EDARADD: variants seen among roughly 807,000 people sequenced by gnomAD.
EDARADD encodes ectodysplasin-A receptor-associated adapter protein.
Under a neutral mutation model 25.6 loss-of-function variants are expected in EDARADD, and 20 were observed. The observed-to-expected ratio is 0.78, with a 90% CI of 0.55 to 1.14. The LOEUF (loss-of-function observed/expected upper bound fraction) is 1.14. Ranked by LOEUF, EDARADD falls within the 50% of genes most tolerant of loss-of-function variation. The pLI is 0.00. For missense variants in EDARADD, 225 were observed against 270.1 expected (o/e 0.83, Z 1.17); for synonymous variants, 86 against 94.4 (o/e 0.91, Z 0.52).
At chr1:236,368,632 G>A (rs996288682) in intron 3 of EDARADD, among the ~76,000 whole-genome samples, 5 of 151,912 alleles carry the variant, frequency 3.3e-5, no homozygotes, top group Non-Finnish European at 1.5e-5. Context: ...TAGGGAAAGG[G>A]TTTCTCCATG....
At chr1:236,470,768 C>T (rs1659339298) in intron 5 of EDARADD, among the ~76,000 whole-genome samples, 1 of 152,132 alleles carries the variant, frequency 6.6e-6, no homozygotes, top group South Asian at 2.1e-4. Flanking sequence ...ACCACCACAC[C>T]CAGCTAATTT....
intron 3 of EDARADD, among the ~76,000 whole-genome samples, chr1:236,418,514 G>A (rs1657701157): frequency 2.6e-5 from 4 of 152,156 alleles, no homozygotes; most frequent in Admixed American, 2.6e-4. Flanking sequence ...TAAAGTGTTG[G>A]GATTACAGGC....
At chr1:236,479,294 A>G (rs12566461) in intron 5 of EDARADD, among the ~76,000 whole-genome samples, 44,998 of 151,882 alleles carry the variant, frequency 0.3, 7,425 homozygotes, top group Non-Finnish European at 0.36. Flanking sequence ...CCAGTAGTTC[A>G]AAACCAGCCA....
chr1:236,479,075 C>T (rs1006619308), intron 5 of EDARADD, among the ~76,000 whole-genome samples: 6 of 151,986 alleles, frequency 3.9e-5, no homozygotes, highest in Non-Finnish European at 8.8e-5. Flanking sequence ...GTATACTGCT[C>T]GGGTGATGGG....
At chr1:236,425,295 A>C (rs142070797) in intron 3 of EDARADD, among the ~76,000 whole-genome samples, 155 of 152,332 alleles carry the variant, frequency 1.0e-3, no homozygotes, top group African/African-American at 3.4e-3. Context: ...CCTGGGCCAC[A>C]GACTGCCATG....
intron 3 of EDARADD, among the ~76,000 whole-genome samples, chr1:236,424,152 A>G (rs541404945): frequency 8.2e-4 from 91 of 110,582 alleles, no homozygotes; most frequent in African/African-American, 2.8e-3. Flanking sequence ...ACTGTGAAGC[A>G]TCTTTTTTTT....
chr1:236,427,218 T>A (rs1185647676), intron 3 of EDARADD, among the ~76,000 whole-genome samples, 174 bp from the exon 4 acceptor site: 1 of 152,212 alleles, frequency 6.6e-6, no homozygotes, highest in Non-Finnish European at 1.5e-5. Context: ...AGCTGGGGGA[T>A]CTTATCCTTA....
At chr1:236,477,868 T>C (rs1009290952) in intron 5 of EDARADD, among the ~76,000 whole-genome samples, 1 of 152,098 alleles carries the variant, frequency 6.6e-6, no homozygotes, top group African/African-American at 2.4e-5. Context: ...ATTGGGAGGC[T>C]GAGGCGGGCA....
intron 5 of EDARADD, among the ~76,000 whole-genome samples, chr1:236,481,818 A>C (rs948127120): frequency 6.7e-6 from 1 of 150,118 alleles, no homozygotes; most frequent in African/African-American, 2.5e-5. Context: ...CATTATTAGA[A>C]ATGAGCATTC....
At chr1:236,409,392 T>A (rs1377713377) in intron 2 of EDARADD, 118 bp downstream of exon 2, 9 of 773,044 alleles carry the variant, frequency 1.2e-5, no homozygotes, top group African/African-American at 1.8e-5. Flanking sequence ...CAAAGTAAGA[T>A]TTTTCTAAGA....
rs1004174490 is a variant in EDARADD, at chr1:236,395,547, C to T, written c.61+1042C>T. ...GGCGCGTCGGAACCGCAGGACTTTTCATCCCCGTGGTCCCACGGTCCTCCC... is the reference window on the plus strand; with the variant it reads ...GGCGCGTCGGAACCGCAGGACTTTTTATCCCCGTGGTCCCACGGTCCTCCC... On this transcript the variant is annotated intron_variant, in intron 1 of 5. Coordinates refer to ENST00000334232, the MANE Select transcript of EDARADD (RefSeq NM_145861.4). The surrounding 1 kb of genome is among the most constrained non-coding windows in gnomAD (Gnocchi z 6.9). The T allele has an allele frequency of 1.9e-6, 3 of 1,539,548 alleles. No homozygotes were observed. Among genetic ancestry groups the T allele is most frequent in the Middle Eastern group, 1.7e-4 (1 of 5,804 alleles).
intron 3 of EDARADD, among the ~76,000 whole-genome samples, chr1:236,421,003 G>A (rs1051502186): frequency 2.1e-5 from 3 of 142,464 alleles, no homozygotes; most frequent in African/African-American, 7.5e-5. Flanking sequence ...CAAAGTGCTG[G>A]GATTACAGGT....
intron 4 of EDARADD, among the ~76,000 whole-genome samples, chr1:236,456,030 C>T (rs1454384556): frequency 1.3e-5 from 2 of 152,172 alleles, no homozygotes; most frequent in Non-Finnish European, 2.9e-5. Flanking sequence ...ACCTTGTAAT[C>T]CGCCCGCCTC....
intron 3 of EDARADD, among the ~76,000 whole-genome samples, chr1:236,383,888 G>A (rs1237296665): frequency 6.6e-6 from 1 of 152,124 alleles, no homozygotes; most frequent in Non-Finnish European, 1.5e-5. Context: ...TGTGGTCCCA[G>A]CTACTCAGGA....
chr1:236,443,265 A>G (rs1658450453), intron 4 of EDARADD, among the ~76,000 whole-genome samples: 1 of 152,222 alleles, frequency 6.6e-6, no homozygotes, highest in South Asian at 2.1e-4. Context: ...ATGGACTAAT[A>G]CAGCACCCCA....
At chr1:236,361,228 C>T (rs909336578) in intron 3 of EDARADD, among the ~76,000 whole-genome samples, 1 of 152,140 alleles carries the variant, frequency 6.6e-6, no homozygotes, top group Non-Finnish European at 1.5e-5. Flanking sequence ...AATCCCTTTC[C>T]CCTACGCCAC....
intron 1 of EDARADD, among the ~76,000 whole-genome samples, chr1:236,394,737 T>C (rs1270536017): frequency 1.3e-5 from 2 of 152,264 alleles, no homozygotes; most frequent in Non-Finnish European, 2.9e-5. Context: ...AATAGGCTTA[T>C]GATGGATGAT....
At chr1:236,479,157 AC>A (rs984930347) in intron 5 of EDARADD, among the ~76,000 whole-genome samples, 2 of 151,888 alleles carry the variant, frequency 1.3e-5, no homozygotes, top group African/African-American at 2.4e-5. Context: ...TCCTCAATAA[AC>A]CATGGAAATT....
intron 3 of EDARADD, among the ~76,000 whole-genome samples, chr1:236,376,817 T>C (rs1297649151): frequency 1.3e-5 from 2 of 152,136 alleles, no homozygotes; most frequent in Non-Finnish European, 2.9e-5. Flanking sequence ...AAACCTTTAG[T>C]AGTTGTCTTA....
Sources: allele counts gnomAD v4.1 joint callset (sites outside exome capture counted in the v4.1 genomes callset), GRCh38; gene constraint gnomAD v4.1.1; non-coding constraint Gnocchi (gnomAD v3.1); transcripts MANE v1.5; gene names NCBI Gene and HGNC (gene_info 2026-07-23, HGNC 2026-07-21).